Variants in TXNDC5 observed in about 807,000 individuals in gnomAD.
TXNDC5 encodes the protein thioredoxin domain-containing protein 5.
In TXNDC5, 44 loss-of-function variants were observed where a neutral mutation model predicts 52.6. The observed-to-expected ratio is 0.84, with a 90% CI of 0.66 to 1.08. The LOEUF (loss-of-function observed/expected upper bound fraction) is 1.08, where lower values mean the gene tolerates loss of function less well. Ranked by LOEUF, TXNDC5 falls within the 50% of genes least tolerant of loss-of-function variation. The probability of loss-of-function intolerance (pLI) is 0.00; values close to 1 mark genes in which losing one functional copy is unlikely to be tolerated. For synonymous variants in TXNDC5, 241 were observed against 234.4 expected (o/e 1.03, Z -0.26); for missense variants, 600 against 565.5 (o/e 1.06, Z -0.62).
Position 7,882,276 on chromosome 6 carries a change from G to A in TXNDC5, c.*868C>T, listed in dbSNP as rs76441262. On this transcript the variant is annotated 3_prime_UTR_variant, in exon 10 of 10. Coordinates refer to ENST00000379757, the MANE Select transcript of TXNDC5 (RefSeq NM_030810.5). ...AAGCCTGTCTGGTCTTGTCACCCCAGGTGACAAATACAACTGGAATCTTTC... is the reference window on the plus strand; with the variant it reads ...AAGCCTGTCTGGTCTTGTCACCCCAAGTGACAAATACAACTGGAATCTTTC... 1 of 152,392 alleles carries A rather than the reference G, an allele frequency of 6.6e-6. No homozygotes were observed. The highest frequency in any genetic ancestry group is 6.5e-5 in the Admixed American group (1 of 15,282). 9.4% of individuals were successfully genotyped at this position (152,392 alleles called of 1,614,324 possible).
At chr6:7,888,625 G>T in intron 7 of TXNDC5, 80 bp downstream of exon 7, 1 of 1,506,524 alleles carries the variant, frequency 6.6e-7, no homozygotes, top group Non-Finnish European at 8.9e-7. Context: ...AAGCATTTGA[G>T]GAGGCCTCTG....
At position 7,884,453 on chromosome 6, in the gene TXNDC5, TC is replaced by T. The variant is rs1561804799; in HGVS notation, c.1081del (p.Glu361ArgfsTer19). 6.2e-7 allele frequency: 1 copy of T among 1,614,080 alleles called. No individual in the cohort carries two copies. The highest frequency in any genetic ancestry group is 2.2e-5 in the East Asian group (1 of 44,876). On this transcript the variant is annotated frameshift_variant, in exon 9 of 10. Transcript: ENST00000379757. LOFTEE classifies it high-confidence loss of function. ...GHCKTLAPTW[E>X]ELSKKEFPGL... ...AGGGAATTCCTTTTTAGAGAGTTCC[TC>T]CCAAGTAGGAGCCAGAGTCTTACAA...
intron 2 of TXNDC5, chr6:7,900,315 C>T (rs901861912): frequency 6.6e-6 from 1 of 152,298 alleles, no homozygotes; most frequent in South Asian, 2.1e-4. Context: ...AAGCAAAAGA[C>T]ATCACCAGAG....
At chr6:7,889,713 G>C (rs1374260349) in intron 5 of TXNDC5, 132 bp from the exon 6 acceptor site, 5 of 661,396 alleles carry the variant, frequency 7.6e-6, no homozygotes, top group Non-Finnish European at 1.0e-5. Context: ...CTGCCAGCAA[G>C]GTGCAGTTTT....
At chr6:7,906,865 A>G (rs1160602414) in intron 1 of TXNDC5, among the ~76,000 whole-genome samples, 1 of 152,164 alleles carries the variant, frequency 6.6e-6, no homozygotes, top group African/African-American at 2.4e-5. Context: ...CATGCTTCTC[A>G]TGGCATGAGC....
At chr6:7,894,926 A>G (rs1319492627) in intron 4 of TXNDC5, 180 bp downstream of exon 4, 1 of 985,418 alleles carries the variant, frequency 1.0e-6, no homozygotes, top group East Asian at 1.1e-4. Context: ...AGACAAAAGG[A>G]GAACTCATGT....
intron 1 of TXNDC5, among the ~76,000 whole-genome samples, chr6:7,909,622 G>A (rs1216525493): frequency 6.6e-6 from 1 of 152,214 alleles, no homozygotes; most frequent in African/African-American, 2.4e-5. Context: ...GCAGCAGGGA[G>A]GTGACAGGAC....
chr6:7,883,051 G>C lies in TXNDC5; in HGVS notation c.*93C>G. Reference sequence around the variant, plus strand: ...CTTAGTATGTTCTGCTTTCTGAACAGCCACCACTGGGAACCCAGTGGCCTC... The same window carrying C: ...CTTAGTATGTTCTGCTTTCTGAACACCCACCACTGGGAACCCAGTGGCCTC... On this transcript the variant is annotated 3_prime_UTR_variant, in exon 10 of 10. Coordinates refer to ENST00000379757, the MANE Select transcript of TXNDC5 (RefSeq NM_030810.5). 1 of 1,566,100 alleles carries C rather than the reference G, an allele frequency of 6.4e-7. No homozygotes were observed. Among genetic ancestry groups the C allele is most frequent in the South Asian group, 1.1e-5 (1 of 88,116 alleles).
At chr6:7,906,105 G>A (rs1366065188) in intron 1 of TXNDC5, among the ~76,000 whole-genome samples, 1 of 148,128 alleles carries the variant, frequency 6.8e-6, no homozygotes, top group East Asian at 1.9e-4. Flanking sequence ...GCCTGGTGTG[G>A]TGGCACACAC....
chr6:7,897,019 G>C (rs1406768678), intron 3 of TXNDC5, among the ~76,000 whole-genome samples: 3 of 152,094 alleles, frequency 2.0e-5, no homozygotes, highest in African/African-American at 4.8e-5. Flanking sequence ...CAAAAGAAGG[G>C]GGGGTGGAAA....
chr6:7,897,106 G>A (rs1561811715), intron 3 of TXNDC5, among the ~76,000 whole-genome samples: 1 of 152,082 alleles, frequency 6.6e-6, no homozygotes, highest in Admixed American at 6.5e-5. Context: ...AATATCCACT[G>A]ACAGAATTAG....
In TXNDC5 at chr6:7,910,644, CCGCCGCCGCCGCCTCCTGG is replaced by C; in HGVS notation, c.114_132del (p.Gln39ArgfsTer95). The C allele has an allele frequency of 3.1e-6, 4 of 1,302,782 alleles. No homozygotes were observed. Among genetic ancestry groups the C allele is most frequent in the Non-Finnish European group, 4.0e-6 (4 of 1,004,882 alleles). 80.7% of individuals were successfully genotyped at this position (1,302,782 alleles called of 1,614,324 possible). A position where few individuals can be genotyped will look rare whatever the true frequency, so the allele number is the denominator to read the frequency against. On this transcript the variant is annotated frameshift_variant, in exon 1 of 10. Coordinates refer to ENST00000379757, the MANE Select transcript of TXNDC5 (RefSeq NM_030810.5). LOFTEE classifies it high-confidence loss of function. ...TCTGCCGCGGGGGGCCCGTCCGCCG[CCGCCGCCGCCGCCTCCTGG>C]GCCCGGGCGCCCCAGCGCCCGCCGC...
intron 1 of TXNDC5, among the ~76,000 whole-genome samples, chr6:7,909,500 C>T (rs945364038): frequency 6.6e-6 from 1 of 152,202 alleles, no homozygotes; most frequent in African/African-American, 2.4e-5. Flanking sequence ...CTCAGGTCAG[C>T]AGCGAGGCCC....
chr6:7,883,294 A>G, intron 9 of TXNDC5, 28 bp from the exon 10 acceptor site: 1 of 1,613,756 alleles, frequency 6.2e-7, no homozygotes, highest in Non-Finnish European at 8.5e-7. Flanking sequence ...AAAAGTTTGC[A>G]AACCAGCGGT....
chr6:7,888,834 C>G lies in TXNDC5; in HGVS notation c.834G>C (p.Lys278Asn), dbSNP rs771712422. 1.9e-6 allele frequency: 3 copies of G among 1,612,074 alleles called. No homozygotes were observed. Among genetic ancestry groups the G allele is most frequent in the South Asian group, 2.2e-5 (2 of 90,754 alleles). ...FRDGKKVDQY[K>N]GKRDLESLRE... is the part of the protein sequence containing the mutation. The stretch of plus-strand genomic sequence containing the variant: ...TCAGTGACTCCAAATCCCGCTTTCC[C>G]TTGTACTGATCCACCTGGCCAAGAC... Residue 278 changes from lysine (K) to asparagine (N), a missense_variant, in exon 7 of 10, where the codon AAG (lysine) becomes AAC (asparagine). Lys to Asn is a moderately conservative substitution (Grantham distance 94). Coordinates refer to ENST00000379757, the MANE Select transcript of TXNDC5 (RefSeq NM_030810.5).
intron 3 of TXNDC5, among the ~76,000 whole-genome samples, chr6:7,898,898 G>C (rs1318551415): frequency 1.3e-5 from 2 of 152,206 alleles, no homozygotes; most frequent in African/African-American, 4.8e-5. Flanking sequence ...AGTAAGGGAA[G>C]TGCATTAAGA....
Position 7,899,629 on chromosome 6 carries a change from C to A in TXNDC5, c.466G>T (p.Asp156Tyr), listed in dbSNP as rs776156022. Residue 156 changes from aspartate (D) to tyrosine (Y), a missense_variant, in exon 3 of 10, where the codon GAC (aspartate) becomes TAC (tyrosine). Coordinates refer to ENST00000379757, the MANE Select transcript of TXNDC5 (RefSeq NM_030810.5). Reference sequence around the variant, plus strand: ...ATCCAGTTTTCCAGTGTCTGGAAGTCCCGAGGACCCTGGTACTTCACAGCT... The same window carrying A: ...ATCCAGTTTTCCAGTGTCTGGAAGTACCGAGGACCCTGGTACTTCACAGCT... ...QEAVKYQGPRDFQTLENWMLQ... is the reference protein window; with the variant it reads ...QEAVKYQGPRYFQTLENWMLQ... 6.2e-7 allele frequency: 1 copy of A among 1,614,108 alleles called. No homozygotes were observed.
chr6:7,883,402 C>T, intron 9 of TXNDC5, 136 bp from the exon 10 acceptor site: 3 of 1,279,126 alleles, frequency 2.3e-6, no homozygotes, highest in Non-Finnish European at 3.2e-6. Flanking sequence ...GTGTATATTC[C>T]ATTAAAACAG....
Position 7,904,645 on chromosome 6 carries a change from G to A in TXNDC5, c.342C>T (p.Val114=). The A allele has an allele frequency of 6.2e-7, 1 of 1,614,208 alleles. No individual in the cohort carries two copies. The highest frequency in any genetic ancestry group is 1.1e-5 in the South Asian group (1 of 91,082). ...CCGTGCAGTCCACTTTAGCCACATAGACTTTGGCATCTTCCATGCTGTTGT... is the reference window on the plus strand; with the variant it reads ...CCGTGCAGTCCACTTTAGCCACATAAACTTTGGCATCTTCCATGCTGTTGT... ...DKYNSMEDAK[V]YVAKVDCTAH... is the part of the protein sequence containing the mutation. Residue 114 remains valine, a synonymous_variant, in exon 2 of 10, where the codon GTC becomes GTT. Coordinates refer to ENST00000379757, the MANE Select transcript of TXNDC5 (RefSeq NM_030810.5).
Sources: gnomAD v4.1 joint callset for allele counts (sites outside exome capture counted in the v4.1 genomes callset) on GRCh38, gnomAD v4.1.1 for gene constraint, MANE v1.5 for transcripts, NCBI Gene and HGNC (gene_info 2026-07-23, HGNC 2026-07-21) for gene names.